NTN1: variants seen among roughly 807,000 people sequenced by gnomAD.
NTN1 encodes the protein netrin 1, also known as netrin-1.
NTN1 carries 11 observed loss-of-function variants against 54.2 expected under a neutral mutation model. The observed-to-expected ratio is 0.20, with a 90% confidence interval of 0.13 to 0.34. The LOEUF is 0.34. Ranked by LOEUF, NTN1 falls within the 10% of genes least tolerant of loss-of-function variation. The probability of loss-of-function intolerance (pLI) is 1.00; values close to 1 mark genes in which losing one functional copy is unlikely to be tolerated. For missense variants in NTN1, 740 were observed against 893.1 expected (o/e 0.83, Z 2.18); for synonymous variants, 371 against 382.0 (o/e 0.97, Z 0.33).
intron 2 of NTN1, among the ~76,000 whole-genome samples, chr17:9,152,489 C>A (rs534061791): frequency 6.6e-6 from 1 of 152,242 alleles, no homozygotes; most frequent in South Asian, 2.1e-4. Flanking sequence ...AAGGGGGAAG[C>A]CTGCAGGGTC....
At chr17:9,182,871 C>A (rs758092722) in intron 4 of NTN1, 45 bp from the exon 5 acceptor site, 22 of 1,599,800 alleles carry the variant, frequency 1.4e-5, no homozygotes, top group Non-Finnish European at 1.9e-5. Flanking sequence ...GTCGTCTTAC[C>A]TTGTTTTCTC....
At chr17:9,189,390 C>T (rs1477080805) in intron 5 of NTN1, among the ~76,000 whole-genome samples, 1 of 152,168 alleles carries the variant, frequency 6.6e-6, no homozygotes, top group South Asian at 2.1e-4. Context: ...TTTGCTCTTT[C>T]GCCCAGGCTG....
intron 2 of NTN1, among the ~76,000 whole-genome samples, chr17:9,037,369 C>T (rs568663844): frequency 1.4e-4 from 21 of 152,252 alleles, no homozygotes; most frequent in African/African-American, 5.1e-4. Flanking sequence ...GACCTTTGCT[C>T]ATGGTGAATG....
chr17:9,124,074 C>G (rs141855389), intron 2 of NTN1, among the ~76,000 whole-genome samples: 17 of 152,302 alleles, frequency 1.1e-4, no homozygotes, highest in African/African-American at 3.9e-4. Context: ...CCAACCATCA[C>G]GCAGTGCCTG....
At chr17:9,178,052 C>T (rs2092405686) in intron 3 of NTN1, among the ~76,000 whole-genome samples, 1 of 152,154 alleles carries the variant, frequency 6.6e-6, no homozygotes, top group Admixed American at 6.5e-5. Context: ...ACAAAATTAG[C>T]TGGGTGTGAT....
intron 2 of NTN1, among the ~76,000 whole-genome samples, chr17:9,028,498 C>G (rs981354566): frequency 6.6e-6 from 1 of 152,132 alleles, no homozygotes; most frequent in East Asian, 1.9e-4. Context: ...CAGGCTCTGC[C>G]GTGCTCTCTA....
chr17:9,119,030 A>G lies in NTN1; in HGVS notation c.1019-43783A>G, dbSNP rs750662736. Among the ~76,000 whole-genome samples the G allele has an allele frequency of 1.3e-5, 2 of 152,222 alleles. 1 individual carries two copies. Among genetic ancestry groups the G allele is most frequent in the South Asian group, 4.1e-4 (2 of 4,830 alleles). On this transcript the variant is annotated intron_variant, in intron 2 of 6. Coordinates refer to ENST00000173229, the MANE Select transcript of NTN1 (RefSeq NM_004822.3). ...TAGAAGTGGAATAGCCAGGTCCTAC[A>G]TAACTTTGTTTAACTTTCTGAGGAA...
intron 2 of NTN1, among the ~76,000 whole-genome samples, chr17:9,061,503 A>C (rs1290629343): frequency 6.6e-6 from 1 of 152,140 alleles, no homozygotes; most frequent in East Asian, 1.9e-4. Context: ...AGTGGTTGTC[A>C]CATTTTGGCC....
intron 6 of NTN1, among the ~76,000 whole-genome samples, chr17:9,230,458 CGAGTG>C (rs1567747043): frequency 1.7e-4 from 25 of 150,830 alleles, no homozygotes; most frequent in African/African-American, 5.6e-4. Context: ...ACCCCCCCCC[CGAGTG>C]CCAGCCCCAT....
chr17:9,225,928 T>C (rs1905524202), intron 6 of NTN1, among the ~76,000 whole-genome samples: 1 of 152,166 alleles, frequency 6.6e-6, no homozygotes, highest in Non-Finnish European at 1.5e-5. Flanking sequence ...CCCTTCCTCC[T>C]CCAGGCCTCG....
chr17:9,126,378 C>T (rs542793312), intron 2 of NTN1, among the ~76,000 whole-genome samples: 111 of 152,304 alleles, frequency 7.3e-4, no homozygotes, highest in Middle Eastern at 3.4e-3. Context: ...GGCGTGGTGG[C>T]GCATGCCTGT....
At chr17:9,229,004 C>T (rs1266523101) in intron 6 of NTN1, among the ~76,000 whole-genome samples, 2 of 131,874 alleles carry the variant, frequency 1.5e-5, no homozygotes, top group Non-Finnish European at 3.2e-5. Context: ...GATTCTGTGA[C>T]TGTAAGTGTG....
Position 9,219,966 on chromosome 17 carries a change from C to T in NTN1, c.1412-1202C>T, listed in dbSNP as rs565405994. ...ACTGCTTCTAGAACAGGCTGGGCCCCCTGCAGCTCCCTGCAGCTCCCCGCT... is the reference window on the plus strand; with the variant it reads ...ACTGCTTCTAGAACAGGCTGGGCCCTCTGCAGCTCCCTGCAGCTCCCCGCT... On this transcript the variant is annotated intron_variant, in intron 5 of 6. Transcript: ENST00000173229. The surrounding 1 kb of genome is among the most constrained non-coding windows in gnomAD (Gnocchi z 4.5). Among the ~76,000 whole-genome samples, 92 of 152,214 alleles carry T rather than the reference C, an allele frequency of 6.0e-4. 1 individual carries two copies. In the South Asian group the frequency reaches 9.1e-3, roughly 15 times the overall value.
At chr17:9,045,103 A>G (rs993229060) in intron 2 of NTN1, among the ~76,000 whole-genome samples, 1 of 152,196 alleles carries the variant, frequency 6.6e-6, no homozygotes, top group Non-Finnish European at 1.5e-5. Context: ...AAGTGCTGCC[A>G]GGGATGGAAT....
At chr17:9,162,559 C>T (rs892816263) in intron 2 of NTN1, among the ~76,000 whole-genome samples, 1 of 152,232 alleles carries the variant, frequency 6.6e-6, no homozygotes, top group Admixed American at 6.5e-5. Flanking sequence ...TGGTCACATT[C>T]TGAGGTACTG....
chr17:9,113,034 A>T (rs11657447), intron 2 of NTN1, among the ~76,000 whole-genome samples: 131,323 of 147,240 alleles, frequency 0.89, 58,692 homozygotes, highest in East Asian at 1. Flanking sequence ...TTTTATTTTT[A>T]TTTTTTTGAG....
intron 3 of NTN1, chr17:9,171,011 C>T (rs1360521781): frequency 6.6e-6 from 1 of 152,148 alleles, no homozygotes. Context: ...TTACGGGGCT[C>T]CCCTCCCCCC....
chr17:9,184,081 G>T (rs548507134), intron 5 of NTN1, among the ~76,000 whole-genome samples: 1 of 152,186 alleles, frequency 6.6e-6, no homozygotes, highest in African/African-American at 2.4e-5. Flanking sequence ...AACCCATGTG[G>T]CCCCCTGAAT....
chr17:9,068,167 G>A (rs1349256453), intron 2 of NTN1, among the ~76,000 whole-genome samples: 2 of 152,102 alleles, frequency 1.3e-5, no homozygotes, highest in Non-Finnish European at 2.9e-5. Context: ...TCTGTTTGGT[G>A]TGACTGGAAT....
Sources: gnomAD v4.1 joint callset for allele counts (sites outside exome capture counted in the v4.1 genomes callset) on GRCh38, gnomAD v4.1.1 for gene constraint, Gnocchi (gnomAD v3.1) non-coding constraint, MANE v1.5 for transcripts, NCBI Gene and HGNC (gene_info 2026-07-23, HGNC 2026-07-21) for gene names.